Variants in DSP observed in about 807,000 individuals in gnomAD.
DSP encodes the protein 250/210 kDa paraneoplastic pemphigus antigen.
Under a neutral mutation model 290.6 loss-of-function variants are expected in DSP, and 114 were observed. That is an observed-to-expected ratio of 0.39 (90% CI 0.34 to 0.46). The LOEUF (loss-of-function observed/expected upper bound fraction) is 0.46. Ranked by LOEUF, DSP falls within the 20% of genes least tolerant of loss-of-function variation. The probability of loss-of-function intolerance (pLI) is 0.99; values close to 1 mark genes in which losing one functional copy is unlikely to be tolerated. For synonymous variants in DSP, 1,311 were observed against 1,316.4 expected, an observed-to-expected ratio of 1.00 and a Z score of 0.09; for missense variants, 3,230 against 3,495.8, an observed-to-expected ratio of 0.92 and a Z score of 1.92.
At position 7,586,377 on chromosome 6, in the gene DSP, T is replaced by C. The variant is rs1441417509; in HGVS notation, c.*499T>C. 1 of 170,488 alleles carries C rather than the reference T, an allele frequency of 5.9e-6. No individual in the cohort carries two copies. The allele number at this position is 170,488 out of a possible 1,614,324, so 10.6% of individuals were successfully genotyped here. ...CAAGCATTTTGGAATGAGTCTCCTTTAGTTTCAGAGTGTGGATTGTATAAC... is the reference window on the plus strand; with the variant it reads ...CAAGCATTTTGGAATGAGTCTCCTTCAGTTTCAGAGTGTGGATTGTATAAC... On this transcript the variant is annotated 3_prime_UTR_variant, in exon 24 of 24. Coordinates refer to ENST00000379802, the MANE Select transcript of DSP (RefSeq NM_004415.4).
chr6:7,557,461 C>T (rs938794435), intron 2 of DSP, among the ~76,000 whole-genome samples: 1 of 152,172 alleles, frequency 6.6e-6, no homozygotes, highest in South Asian at 2.1e-4. Flanking sequence ...GGGTGTATCA[C>T]TTGAGGTCAG....
intron 1 of DSP, among the ~76,000 whole-genome samples, chr6:7,549,051 T>C (rs1322891880): frequency 6.6e-6 from 1 of 152,188 alleles, no homozygotes; most frequent in East Asian, 1.9e-4. Context: ...AGGTGTGATA[T>C]GGAAAACTCC....
chr6:7,581,195 C>T lies in DSP; in HGVS notation c.5005C>T (p.Leu1669Phe), dbSNP rs794728102. Residue 1669 changes from leucine to phenylalanine, a missense_variant, in exon 23 of 24, where the codon CTC (leucine) becomes TTC (phenylalanine). Transcript: ENST00000379802. ...SEVEALRRQL[L>F]QEQESVKQAH... ...GGTCGAGGCCCTGAGGCGGCAGTTACTCCAGGAACAGGAAAGTGTCAAACA... is the reference window on the plus strand; with the variant it reads ...GGTCGAGGCCCTGAGGCGGCAGTTATTCCAGGAACAGGAAAGTGTCAAACA... 6.2e-7 allele frequency: 1 copy of T among 1,614,152 alleles called. No homozygotes were observed. Among genetic ancestry groups the T allele is most frequent in the Non-Finnish European group, 8.5e-7 (1 of 1,180,038 alleles).
chr6:7,555,972 G>T (rs2113654326), intron 2 of DSP, 152 bp downstream of exon 2: 1 of 729,926 alleles, frequency 1.4e-6, no homozygotes, highest in South Asian at 1.5e-5. Flanking sequence ...AGAGAGATGT[G>T]TGTCTTCTTA....
At chr6:7,577,579 C>T (rs1271483181) in intron 20 of DSP, among the ~76,000 whole-genome samples, 200 bp from the exon 21 acceptor site, 4 of 152,158 alleles carry the variant, frequency 2.6e-5, no homozygotes, top group African/African-American at 7.2e-5. Flanking sequence ...CTGCCCGGCT[C>T]GGCCTCCCAA....
rs751438412 is a variant in DSP at position 7,574,269 on chromosome 6, C to A, written c.2297+17C>A. On this transcript the variant is annotated intron_variant, in intron 16 of 23. Coordinates refer to ENST00000379802, the MANE Select transcript of DSP (RefSeq NM_004415.4). ...CTTAAATAGGTAAACTCAGCTAACA[C>A]TAATCTCATATTTTCCTTTTCTCAA... 2 of 1,611,970 alleles carry A rather than the reference C, an allele frequency of 1.2e-6. No individual in the cohort carries two copies. The highest frequency in any genetic ancestry group is 1.1e-5 in the South Asian group (1 of 90,912).
rs76905210 is a variant in DSP at position 7,579,189 on chromosome 6, A to G, written c.3085-86A>G. On this transcript the variant is annotated intron_variant, in intron 22 of 23. Transcript: ENST00000379802. The surrounding 1 kb of genome is among the most constrained non-coding windows in gnomAD (Gnocchi z 4.1). ...TGTGTAAAGAGAAATAAGAATGCAC[A>G]TTGGTCTGGGAGGGGAAAAGTACTG... 1.7e-5 allele frequency: 26 copies of G among 1,552,312 alleles called. No homozygotes were observed. In the East Asian group the frequency reaches 5.8e-4, roughly 35 times the overall value.
intron 4 of DSP, among the ~76,000 whole-genome samples, chr6:7,561,751 G>A (rs774276789): frequency 6.6e-6 from 1 of 152,180 alleles, no homozygotes; most frequent in African/African-American, 2.4e-5. Context: ...CTTGCCAAGT[G>A]TATTAGAACA....
Position 7,579,834 on chromosome 6 carries a change from A to G in DSP, c.3644A>G (p.Asn1215Ser), listed in dbSNP as rs777375223. 12 of 1,614,054 alleles carry G rather than the reference A, an allele frequency of 7.4e-6. No individual in the cohort carries two copies. Among genetic ancestry groups the G allele is most frequent in the Non-Finnish European group, 1.0e-5 (12 of 1,180,048 alleles). ...NLRNKYETEI[N>S]ITKTTIKEIS... ...AGGAACAAGTATGAAACAGAGATTA[A>G]CATTACGAAGACCACCATCAAGGAG... The change falls in exon 23 of 24, where the codon AAC (asparagine) becomes AGC (serine). Residue 1215 changes from asparagine to serine, a missense_variant. Asn to Ser is a conservative substitution (Grantham distance 46, BLOSUM62 1). Transcript: ENST00000379802. The surrounding 1 kb of genome is among the most constrained non-coding windows in gnomAD (Gnocchi z 4.1).
chr6:7,570,969 GT>G (rs1759026258), intron 13 of DSP, among the ~76,000 whole-genome samples: 1 of 152,112 alleles, frequency 6.6e-6, no homozygotes, highest in Non-Finnish European at 1.5e-5. Context: ...TAAATCAGTT[GT>G]TTTCAGATCA....
chr6:7,580,695 A>G lies in DSP; in HGVS notation c.4505A>G (p.Asp1502Gly). 6.2e-7 allele frequency: 1 copy of G among 1,614,092 alleles called. No individual in the cohort carries two copies. Among genetic ancestry groups the G allele is most frequent in the South Asian group, 1.1e-5 (1 of 91,088 alleles). ...ACAAATGACCGGAAATGCCTGGAAG[A>G]TGAAAACGCGAGATTACAAAGGGTC... is the stretch of plus-strand genomic sequence containing the variant. ...KETNDRKCLE[D>G]ENARLQRVQY... Residue 1502 changes from aspartate (D) to glycine (G), a missense_variant, in exon 23 of 24, where the codon GAT becomes GGT. Coordinates refer to ENST00000379802, the MANE Select transcript of DSP (RefSeq NM_004415.4). The surrounding 1 kb of genome is among the most constrained non-coding windows in gnomAD (Gnocchi z 4.2).
At chr6:7,576,165 G>T (rs992522362) in intron 18 of DSP, 129 bp from the exon 19 acceptor site, 6 of 1,055,992 alleles carry the variant, frequency 5.7e-6, no homozygotes, top group Non-Finnish European at 8.2e-6. Flanking sequence ...GAACATTCAT[G>T]TATAAGTTTT....
In DSP at chr6:7,583,038, T is replaced by A; in HGVS notation, c.5776T>A (p.Ser1926Thr). 4 of 1,613,842 alleles carry A rather than the reference T, an allele frequency of 2.5e-6. No individual in the cohort carries two copies. Among genetic ancestry groups the A allele is most frequent in the Non-Finnish European group, 3.4e-6 (4 of 1,179,948 alleles). ...KLEDSTRETQ[S>T]QLETERSRYQ... is the part of the protein sequence containing the mutation. ...GGAGGATTCTACCAGGGAGACACAG[T>A]CACAGTTAGAAACAGAACGCTCCCG... Residue 1926 changes from serine to threonine, a missense_variant, in exon 24 of 24, where the codon TCA becomes ACA. Transcript: ENST00000379802. The surrounding 1 kb of genome is among the most constrained non-coding windows in gnomAD (Gnocchi z 4.0).
Position 7,583,100 on chromosome 6 carries a change from A to C in DSP, c.5838A>C (p.Pro1946=), listed in dbSNP as rs369822839. ...AGATTGATAAACTCAGACAGCGCCCATATGGGTCCCATCGAGAGACCCAGA... is the reference window on the plus strand; with the variant it reads ...AGATTGATAAACTCAGACAGCGCCCCTATGGGTCCCATCGAGAGACCCAGA... ...QREIDKLRQR[P]YGSHRETQTE... is the part of the protein sequence containing the mutation. The change falls in exon 24 of 24, where the codon CCA becomes CCC. Residue 1946 remains proline, a synonymous_variant. Transcript: ENST00000379802. This position sits in a 1 kb window ranked among gnomAD's most constrained non-coding sequence, Gnocchi z 4.0. 3 of 1,614,034 alleles carry C rather than the reference A, an allele frequency of 1.9e-6. No homozygotes were observed. In the African/African-American group the frequency reaches 4.0e-5, roughly 22 times the overall value.
chr6:7,543,383 T>C (rs1758075278), intron 1 of DSP, among the ~76,000 whole-genome samples: 3 of 146,162 alleles, frequency 2.1e-5, no homozygotes, highest in South Asian at 4.3e-4. Context: ...ATCCTGAAAA[T>C]CTATTTTCGC....
At position 7,583,143 on chromosome 6, in the gene DSP, G is replaced by C; in HGVS notation, c.5881G>C (p.Val1961Leu). 6.2e-7 allele frequency: 1 copy of C among 1,614,088 alleles called. No individual in the cohort carries two copies. Among genetic ancestry groups the C allele is most frequent in the Non-Finnish European group, 8.5e-7 (1 of 1,180,024 alleles). The change falls in exon 24 of 24, where the codon GTT (valine) becomes CTT (leucine). Residue 1961 changes from valine (V) to leucine (L), a missense_variant. Physicochemically the swap from Val to Leu is conservative, Grantham distance 32 (BLOSUM62 1). This residue lies in a region of DSP where 1,714 missense variants were observed against 1,844.5 expected (regional missense o/e 0.93). Transcript: ENST00000379802. This position sits in a 1 kb window ranked among gnomAD's most constrained non-coding sequence, Gnocchi z 4.0. ...GACCCAGACTGAGTGTGAGTGGACC[G>C]TTGACACCTCCAAGCTGGTGTTTGA... ...RETQTECEWT[V>L]DTSKLVFDGL...
intron 1 of DSP, among the ~76,000 whole-genome samples, chr6:7,543,614 C>T (rs942820088): frequency 2.6e-5 from 4 of 152,122 alleles, no homozygotes; most frequent in Admixed American, 2.6e-4. Flanking sequence ...TTGAGATGCA[C>T]ATCCTTTAAA....
chr6:7,556,851 G>A (rs1044386919), intron 2 of DSP, among the ~76,000 whole-genome samples: 1 of 152,034 alleles, frequency 6.6e-6, no homozygotes, highest in African/African-American at 2.4e-5. Flanking sequence ...AATGTTCCTC[G>A]CAGTGGCCCG....
chr6:7,571,905 A>G lies in DSP; in HGVS notation c.1967A>G (p.Glu656Gly). The change falls in exon 15 of 24, where the codon GAA (glutamate) becomes GGA (glycine). Residue 656 changes from glutamate (E) to glycine (G), a missense_variant. Transcript: ENST00000379802. ...GATGTCAACCATAATAAAGTAATTG[A>G]AACCAACAGAGAAAATGACAAGCAA... ...CQDVNHNKVI[E>G]TNRENDKQET... 1 of 1,614,118 alleles carries G rather than the reference A, an allele frequency of 6.2e-7. No individual in the cohort carries two copies. Among genetic ancestry groups the G allele is most frequent in the Non-Finnish European group, 8.5e-7 (1 of 1,180,030 alleles).
Sources: allele counts gnomAD v4.1 joint callset (sites outside exome capture counted in the v4.1 genomes callset), GRCh38; gene constraint gnomAD v4.1.1; regional missense constraint gnomAD v4.1.1; non-coding constraint Gnocchi (gnomAD v3.1); transcripts MANE v1.5; gene names NCBI Gene and HGNC (gene_info 2026-07-23, HGNC 2026-07-21).